HMGN3: variants seen among roughly 807,000 people sequenced by gnomAD.
The protein encoded by HMGN3 is high mobility group nucleosome-binding domain-containing protein 3.
HMGN3 carries 6 observed loss-of-function variants against 18.8 expected under a neutral mutation model. The ratio of observed to expected loss-of-function variants is 0.32; its 90% confidence interval spans 0.18 to 0.63. The LOEUF (loss-of-function observed/expected upper bound fraction) is 0.63. Ranked by LOEUF, HMGN3 falls within the 30% of genes least tolerant of loss-of-function variation. HMGN3 has a pLI of 0.79. For missense variants in HMGN3, 107 were observed against 114.2 expected (o/e 0.94, Z 0.29); for synonymous variants, 40 against 36.5 (o/e 1.10, Z -0.35).
At chr6:79,223,288 G>A (rs1338338585) in intron 1 of HMGN3, among the ~76,000 whole-genome samples, 1 of 152,132 alleles carries the variant, frequency 6.6e-6, no homozygotes, top group Non-Finnish European at 1.5e-5. Flanking sequence ...GAGGCAGGCG[G>A]ATCATGAGGT....
At chr6:79,222,209 T>C (rs1269679426) in intron 1 of HMGN3, among the ~76,000 whole-genome samples, 2 of 152,158 alleles carry the variant, frequency 1.3e-5, no homozygotes, top group African/African-American at 2.4e-5. Flanking sequence ...GTGTATTACA[T>C]TGAGATAATC....
At chr6:79,217,703 C>A (rs772617757) in intron 1 of HMGN3, among the ~76,000 whole-genome samples, 20 of 152,144 alleles carry the variant, frequency 1.3e-4, no homozygotes, top group Non-Finnish European at 2.5e-4. Flanking sequence ...TATCACATAA[C>A]CCTCTCCATC....
chr6:79,218,490 A>G (rs900645811), intron 1 of HMGN3, among the ~76,000 whole-genome samples: 5 of 152,238 alleles, frequency 3.3e-5, no homozygotes, highest in Admixed American at 2.6e-4. Context: ...GTGAACACAA[A>G]TGAACTACGG....
chr6:79,213,172 C>T (rs954590320), intron 2 of HMGN3, among the ~76,000 whole-genome samples: 4 of 151,856 alleles, frequency 2.6e-5, no homozygotes, highest in African/African-American at 7.3e-5. Context: ...CCAGGGAGAT[C>T]GAGACTGCAG....
At chr6:79,231,982 C>T (rs1777860946) in intron 1 of HMGN3, among the ~76,000 whole-genome samples, 1 of 152,110 alleles carries the variant, frequency 6.6e-6, no homozygotes, top group Non-Finnish European at 1.5e-5. Context: ...TTTATCTGTA[C>T]CACTTCTTGC....
At chr6:79,203,420 C>T (rs142047392) in intron 4 of HMGN3, among the ~76,000 whole-genome samples, 160 bp downstream of exon 4, 1 of 152,304 alleles carries the variant, frequency 6.6e-6, no homozygotes, top group African/African-American at 2.4e-5. Flanking sequence ...CTCCTATTAA[C>T]GCAGAAAACT....
At position 79,203,709 on chromosome 6, in the gene HMGN3, A is replaced by T. The variant is rs149322005; in HGVS notation, c.97-79T>A. 6.1e-4 allele frequency: 649 copies of T among 1,065,960 alleles called. 4 individuals are homozygous for T. The African/African-American group carries it at 6.3e-3, about 10-fold the overall frequency. The allele number at this position is 1,065,960 out of a possible 1,614,324, so 66.0% of individuals were successfully genotyped here. On this transcript the variant is annotated intron_variant, in intron 3 of 5. Transcript: ENST00000344726. The stretch of plus-strand genomic sequence containing the variant: ...CACCAAAAGAAACACAAAAGGACTA[A>T]CAAAGACAACTATCCATTTTGACAT...
At chr6:79,207,234 C>A (rs1776465064) in intron 3 of HMGN3, among the ~76,000 whole-genome samples, 1 of 151,994 alleles carries the variant, frequency 6.6e-6, no homozygotes, top group African/African-American at 2.4e-5. Context: ...GGGCTGGGGG[C>A]AGAATGATAT....
At chr6:79,201,372 A>C (rs916937725) in exon 6 of HMGN3, 6 of 275,736 alleles carry the variant, frequency 2.2e-5, no homozygotes, top group African/African-American at 4.4e-5. Context: ...CTCTAGAAAA[A>C]CTGCATGAAA....
intron 1 of HMGN3, among the ~76,000 whole-genome samples, chr6:79,215,706 A>G (rs1372878190): frequency 6.6e-6 from 1 of 152,168 alleles, no homozygotes. Context: ...GGATGTGTAT[A>G]CTATGGGAAA....
At chr6:79,202,926 C>T (rs1455127646) in intron 4 of HMGN3, among the ~76,000 whole-genome samples, 2 of 152,150 alleles carry the variant, frequency 1.3e-5, no homozygotes, top group African/African-American at 4.8e-5. Flanking sequence ...TCTGAAATCA[C>T]CTACTCATGC....
intron 4 of HMGN3, among the ~76,000 whole-genome samples, chr6:79,202,858 A>C (rs1776213493): frequency 6.6e-6 from 1 of 152,198 alleles, no homozygotes; most frequent in Admixed American, 6.5e-5. Flanking sequence ...AGGGAAATGA[A>C]GCCCAGATGA....
At chr6:79,223,465 C>G (rs570588939) in intron 1 of HMGN3, among the ~76,000 whole-genome samples, 1 of 152,086 alleles carries the variant, frequency 6.6e-6, no homozygotes, top group Non-Finnish European at 1.5e-5. Context: ...GAGCCGAGAT[C>G]GCGCCACTGC....
intron 5 of HMGN3, 67 bp downstream of exon 6, chr6:79,201,996 A>C: frequency 6.7e-7 from 1 of 1,481,808 alleles, no homozygotes; most frequent in Non-Finnish European, 8.9e-7. Context: ...TTAAAAAAAA[A>C]AACCACCACA....
intron 1 of HMGN3, among the ~76,000 whole-genome samples, chr6:79,232,629 TGA>T (rs1348200728): frequency 6.6e-6 from 1 of 151,920 alleles, no homozygotes; most frequent in African/African-American, 2.4e-5. Flanking sequence ...TCCGTCTCCT[TGA>T]GAGAGGCAGA....
chr6:79,218,887 C>A (rs1031310447), intron 1 of HMGN3, among the ~76,000 whole-genome samples: 4 of 152,044 alleles, frequency 2.6e-5, no homozygotes, highest in Non-Finnish European at 5.9e-5. Context: ...CACGGATAAA[C>A]TCTAGACCAG....
At chr6:79,219,342 C>A (rs1046539961) in intron 1 of HMGN3, among the ~76,000 whole-genome samples, 1 of 152,006 alleles carries the variant, frequency 6.6e-6, no homozygotes, top group African/African-American at 2.4e-5. Flanking sequence ...GAATTCTATA[C>A]CTAGCTATCA....
chr6:79,205,606 AT>A (rs1272713071), intron 3 of HMGN3, among the ~76,000 whole-genome samples: 1 of 152,202 alleles, frequency 6.6e-6, no homozygotes, highest in Non-Finnish European at 1.5e-5. Flanking sequence ...AGTCTTGGGT[AT>A]GTCTTTATCA....
At chr6:79,211,431 C>T (rs116165306) in intron 2 of HMGN3, among the ~76,000 whole-genome samples, 110 of 146,430 alleles carry the variant, frequency 7.5e-4, no homozygotes, top group African/African-American at 2.6e-3. Flanking sequence ...GGTGGGACTA[C>T]GAGGGGAAAA....
Sources: allele counts gnomAD v4.1 joint callset (sites outside exome capture counted in the v4.1 genomes callset), GRCh38; gene constraint gnomAD v4.1.1; transcripts MANE v1.5; gene names NCBI Gene and HGNC (gene_info 2026-07-23, HGNC 2026-07-21).